The following P3H2 variants were observed in gnomAD, a reference collection of about 807,000 sequenced individuals.
The protein encoded by P3H2 is leprecan-like 1.
P3H2 carries 80 observed loss-of-function variants against 87.0 expected under a neutral mutation model. The ratio of observed to expected loss-of-function variants is 0.92; its 90% CI spans 0.77 to 1.11. The LOEUF (loss-of-function observed/expected upper bound fraction) is 1.11, where lower values mean the gene tolerates loss of function less well. Among genes scored for constraint, P3H2 ranks in the 50% least tolerant of loss-of-function variants. The pLI is 0.00. For synonymous variants in P3H2, 367 were observed against 359.3 expected, an observed-to-expected ratio of 1.02 and a Z score of -0.24; for missense variants, 1,001 against 923.9, an observed-to-expected ratio of 1.08 and a Z score of -1.08.
At chr3:190,100,386 G>A (rs534690183) in intron 1 of P3H2, among the ~76,000 whole-genome samples, 6 of 151,968 alleles carry the variant, frequency 3.9e-5, no homozygotes, top group Middle Eastern at 3.4e-3. Context: ...TTGGTATTGA[G>A]GATAAGATAC....
intron 1 of P3H2, among the ~76,000 whole-genome samples, chr3:190,064,977 G>A (rs551817753): frequency 8.5e-5 from 13 of 152,230 alleles, no homozygotes; most frequent in Non-Finnish European, 1.0e-4. Flanking sequence ...CTGTTGTTGC[G>A]TAAAGAGTTT....
In P3H2 at chr3:189,983,122, G is replaced by A. The variant is rs374730144; in HGVS notation, c.1248C>T (p.Asn416=). 39 of 1,613,570 alleles carry A rather than the reference G, an allele frequency of 2.4e-5. No homozygotes were observed. The highest frequency in any genetic ancestry group is 1.6e-4 in the Middle Eastern group (1 of 6,062). The part of the protein sequence containing the change: ...QDENRVPSGV[N]VEGAEVHGFS... ...ATCCATGAACTTCTGCTCCCTCTAC[G>A]TTCACTCCTGAAGGGACCCTGCCCA... Residue 416 remains asparagine (N), a synonymous_variant, in exon 8 of 15, where the codon AAC becomes AAT. Coordinates refer to ENST00000319332, the MANE Select transcript of P3H2 (RefSeq NM_018192.4).
In P3H2 at chr3:190,120,475, C is replaced by T. The variant is rs770522765; in HGVS notation, c.257G>A (p.Arg86His). 7.0e-7 allele frequency: 1 copy of T among 1,432,566 alleles called. No homozygotes were observed. The highest frequency in any genetic ancestry group is 1.5e-5 in the African/African-American group (1 of 67,488). The allele number at this position is 1,432,566 out of a possible 1,614,324, so 88.7% of individuals were successfully genotyped here. A position where few individuals can be genotyped will look rare whatever the true frequency, so the allele number is the denominator to read the frequency against. Residue 86 changes from arginine (R) to histidine (H), a missense_variant, in exon 1 of 15, where the codon CGC (arginine) becomes CAC (histidine). Arg to His is a conservative substitution (Grantham distance 29, BLOSUM62 0). Transcript: ENST00000319332. Reference sequence around the variant, plus strand: ...GAGCGGGTGGCGCGCCGCGCAGTGGCGGGCACAGCGCGTGCGGATTTCCCG... The same window carrying T: ...GAGCGGGTGGCGCGCCGCGCAGTGGTGGGCACAGCGCGTGCGGATTTCCCG... The part of the protein sequence containing the change: ...RLREIRTRCA[R>H]HCAARHPLPP...
At chr3:189,970,485 C>T (rs540356171) in intron 13 of P3H2, among the ~76,000 whole-genome samples, 16 of 151,636 alleles carry the variant, frequency 1.1e-4, no homozygotes, top group African/African-American at 3.6e-4. Flanking sequence ...ACTTGGGTGA[C>T]TTAGGAACTG....
chr3:190,010,760 A>G (rs999636192), intron 1 of P3H2, among the ~76,000 whole-genome samples: 1 of 152,226 alleles, frequency 6.6e-6, no homozygotes, highest in Non-Finnish European at 1.5e-5. Flanking sequence ...GAAAATAACA[A>G]GTTTGGCATC....
Position 189,956,936 on chromosome 3 carries a change from A to T in P3H2, c.*976T>A. 1 of 395,560 alleles carries T rather than the reference A, an allele frequency of 2.5e-6. No homozygotes were observed. Among genetic ancestry groups the T allele is most frequent in the Non-Finnish European group, 4.4e-6 (1 of 224,778 alleles). The allele number at this position is 395,560 out of a possible 1,614,324, so 24.5% of individuals were successfully genotyped here. On this transcript the variant is annotated 3_prime_UTR_variant, in exon 15 of 15. Transcript: ENST00000319332. ...CTGGCCATGGTGCCCGGATGCAGGCAGTATTCAAGAGTTTCTTCCAAAGTC... is the reference window on the plus strand; with the variant it reads ...CTGGCCATGGTGCCCGGATGCAGGCTGTATTCAAGAGTTTCTTCCAAAGTC...
intron 1 of P3H2, among the ~76,000 whole-genome samples, chr3:190,119,908 GAAATGGGAAGTGAGAAGGGAGAAGAT>G (rs1205929031): frequency 6.7e-6 from 1 of 149,872 alleles, no homozygotes; most frequent in Non-Finnish European, 1.5e-5. Flanking sequence ...AGGGAGAAGA[GAAATGGGAAGTGAGAAGGGAGAAGAT>G]AAATTGTACT....
At chr3:189,964,701 T>C (rs77879162) in intron 13 of P3H2, among the ~76,000 whole-genome samples, 370 of 152,386 alleles carry the variant, frequency 2.4e-3, no homozygotes, top group African/African-American at 8.3e-3. Context: ...TAGGCATTGT[T>C]TGAACATCTC....
intron 1 of P3H2, among the ~76,000 whole-genome samples, chr3:190,061,032 T>C (rs539208908): frequency 6.6e-6 from 1 of 152,290 alleles, no homozygotes; most frequent in South Asian, 2.1e-4. Context: ...TAGTGTACAC[T>C]ATACTCATTT....
intron 1 of P3H2, among the ~76,000 whole-genome samples, chr3:190,015,417 A>C (rs1293369617): frequency 6.6e-6 from 1 of 152,206 alleles, no homozygotes; most frequent in Non-Finnish European, 1.5e-5. Context: ...TTCAGTGTAT[A>C]ACAAGCCTTA....
At chr3:190,050,607 CTACAGTTCT>C (rs1471241625) in intron 1 of P3H2, among the ~76,000 whole-genome samples, 10 of 152,158 alleles carry the variant, frequency 6.6e-5, no homozygotes, top group African/African-American at 2.2e-4. Flanking sequence ...AGTCAATTCT[CTACAGTTCT>C]ATATCTGTAT....
chr3:189,990,861 T>C (rs925312525), intron 3 of P3H2, among the ~76,000 whole-genome samples: 3 of 152,238 alleles, frequency 2.0e-5, no homozygotes, highest in African/African-American at 7.2e-5. Context: ...ACCTGAGTTA[T>C]GAGATCTCTA....
At chr3:189,986,937 T>C (rs1723720255) in intron 5 of P3H2, 60 bp from the exon 6 acceptor site, 1 of 1,123,442 alleles carries the variant, frequency 8.9e-7, no homozygotes. Context: ...AGAGATATGA[T>C]AAATGTTCAG....
chr3:190,013,293 C>T (rs1416459401), intron 1 of P3H2, among the ~76,000 whole-genome samples: 3 of 152,194 alleles, frequency 2.0e-5, no homozygotes, highest in Non-Finnish European at 2.9e-5. Context: ...ATTTATTATA[C>T]CACCAAGTTT....
chr3:190,004,289 A>G (rs1724309335), intron 1 of P3H2, among the ~76,000 whole-genome samples: 1 of 152,246 alleles, frequency 6.6e-6, no homozygotes, highest in Non-Finnish European at 1.5e-5. Context: ...GACAGCTTCA[A>G]AAAGCTAGAT....
intron 14 of P3H2, among the ~76,000 whole-genome samples, chr3:189,960,258 C>T (rs1722772442): frequency 1.3e-5 from 2 of 152,172 alleles, no homozygotes; most frequent in Non-Finnish European, 2.9e-5. Flanking sequence ...TTGTCTTGTT[C>T]CATTTTCCAC....
At chr3:190,030,980 G>T (rs1039357711) in intron 1 of P3H2, among the ~76,000 whole-genome samples, 1 of 152,092 alleles carries the variant, frequency 6.6e-6, no homozygotes, top group East Asian at 1.9e-4. Context: ...ACTATAATTC[G>T]TAGTGAATGC....
rs1005810153 is a variant in P3H2 at position 189,995,212 on chromosome 3, T to C, written c.633+78A>G. ...ATAAACTTTATGAGATATTCATTCA[T>C]AGAAATTTGCTGTGACTCAGATGAA... is the stretch of plus-strand genomic sequence containing the variant. On this transcript the variant is annotated intron_variant, in intron 2 of 14. Transcript: ENST00000319332. 1.8e-5 allele frequency: 25 copies of C among 1,375,936 alleles called. No individual in the cohort carries two copies. The African/African-American group carries it at 2.6e-4, about 14-fold the overall frequency. The allele number at this position is 1,375,936 out of a possible 1,614,324, so 85.2% of individuals were successfully genotyped here. A position where few individuals can be genotyped will look rare whatever the true frequency, so the allele number is the denominator to read the frequency against.
intron 1 of P3H2, among the ~76,000 whole-genome samples, chr3:190,035,161 T>A (rs1725381391): frequency 6.6e-6 from 1 of 152,078 alleles, no homozygotes; most frequent in Admixed American, 6.6e-5. Context: ...AAATGGCTAT[T>A]TTTTTCTTTT....
Sources: allele counts gnomAD v4.1 joint callset (sites outside exome capture counted in the v4.1 genomes callset), GRCh38; gene constraint gnomAD v4.1.1; transcripts MANE v1.5; gene names NCBI Gene and HGNC (gene_info 2026-07-23, HGNC 2026-07-21).